The following NRG1 variants were observed in gnomAD, a reference collection of about 807,000 sequenced individuals.
NRG1 encodes the protein neuregulin 1, also known as pro-neuregulin-1, membrane-bound isoform.
A neutral mutation model predicts 63.8 loss-of-function variants in NRG1; 18 were observed. The observed-to-expected ratio is 0.28, with a 90% CI of 0.19 to 0.42. The LOEUF is 0.42. Ranked by LOEUF, NRG1 falls within the 10% of genes least tolerant of loss-of-function variation. The pLI is 1.00. For missense variants in NRG1, 762 were observed against 814.7 expected, an observed-to-expected ratio of 0.94 and a Z score of 0.79; for synonymous variants, 302 against 301.3, an observed-to-expected ratio of 1.00 and a Z score of -0.02.
chr8:31,923,764 G>C (rs1329472098), intron 1 of NRG1, among the ~76,000 whole-genome samples: 1 of 151,842 alleles, frequency 6.6e-6, no homozygotes, highest in African/African-American at 2.4e-5. Flanking sequence ...CTACACTGAT[G>C]TATTTTGCAT....
intron 1 of NRG1, among the ~76,000 whole-genome samples, chr8:32,487,834 A>T (rs10503917): frequency 0.14 from 20,730 of 152,156 alleles, 1,681 homozygotes; most frequent in Admixed American, 0.26. Flanking sequence ...GTCCCTTTCA[A>T]CCGGAGTCAG....
At chr8:31,966,221 A>C (rs926670602) in intron 1 of NRG1, among the ~76,000 whole-genome samples, 1 of 128,642 alleles carries the variant, frequency 7.8e-6, no homozygotes. Context: ...TTTGTAACTT[A>C]TGGTCAATCT....
intron 1 of NRG1, among the ~76,000 whole-genome samples, chr8:32,245,096 A>G (rs1249452213): frequency 6.6e-6 from 1 of 152,164 alleles, no homozygotes; most frequent in East Asian, 1.9e-4. Context: ...AGGGGCTCAG[A>G]CAGTGGTTTG....
intron 1 of NRG1, among the ~76,000 whole-genome samples, chr8:32,410,457 A>G (rs1814752182): frequency 1.3e-5 from 2 of 152,084 alleles, no homozygotes; most frequent in South Asian, 2.1e-4. Flanking sequence ...GTGAGTCACC[A>G]TGGCAGGCCA....
chr8:32,245,754 T>C (rs1007280911), intron 1 of NRG1, among the ~76,000 whole-genome samples: 1 of 152,174 alleles, frequency 6.6e-6, no homozygotes, highest in Non-Finnish European at 1.5e-5. Context: ...ATTCACTACA[T>C]AGGGTTTCTT....
intron 1 of NRG1, among the ~76,000 whole-genome samples, chr8:32,189,833 C>T (rs1842316200): frequency 6.6e-6 from 1 of 152,134 alleles, no homozygotes; most frequent in African/African-American, 2.4e-5. Flanking sequence ...TTCTACCAAT[C>T]ACTGGAGTTT....
intron 1 of NRG1, among the ~76,000 whole-genome samples, chr8:31,644,427 A>G (rs1804099159): frequency 6.6e-6 from 1 of 152,204 alleles, no homozygotes; most frequent in Non-Finnish European, 1.5e-5. Flanking sequence ...GTGGATTTAA[A>G]TATCTGAGTT....
At chr8:32,324,842 C>T (rs1304150341) in intron 1 of NRG1, among the ~76,000 whole-genome samples, 3 of 152,140 alleles carry the variant, frequency 2.0e-5, no homozygotes, top group African/African-American at 7.2e-5. Context: ...TGTGCAGGCC[C>T]TGGATTCAGA....
chr8:32,151,890 TG>T (rs1245423870), intron 1 of NRG1, among the ~76,000 whole-genome samples: 1 of 152,140 alleles, frequency 6.6e-6, no homozygotes, highest in African/African-American at 2.4e-5. Flanking sequence ...TCAAGCCCTT[TG>T]CAATATTTAC....
chr8:31,827,709 C>A (rs1020584155), intron 1 of NRG1, among the ~76,000 whole-genome samples: 2 of 152,166 alleles, frequency 1.3e-5, no homozygotes, highest in African/African-American at 4.8e-5. Context: ...TCAACTTTTT[C>A]TTTTACCTCT....
chr8:32,359,464 A>C (rs758590244), intron 1 of NRG1, among the ~76,000 whole-genome samples: 5 of 152,190 alleles, frequency 3.3e-5, no homozygotes, highest in Non-Finnish European at 7.3e-5. Flanking sequence ...GAAGTCCTTG[A>C]GTTCCAAAGA....
chr8:31,696,462 A>T (rs915813826), intron 1 of NRG1, among the ~76,000 whole-genome samples: 1 of 152,212 alleles, frequency 6.6e-6, no homozygotes, highest in Non-Finnish European at 1.5e-5. Context: ...TAGGAGGGAA[A>T]AAAACTTTAC....
intron 1 of NRG1, among the ~76,000 whole-genome samples, chr8:32,280,038 T>C (rs1458012583): frequency 6.6e-6 from 1 of 152,240 alleles, no homozygotes; most frequent in East Asian, 1.9e-4. Flanking sequence ...TCATCAGTCA[T>C]TACTTTCCAT....
At chr8:31,956,659 C>T (rs952103107) in intron 1 of NRG1, among the ~76,000 whole-genome samples, 2 of 152,106 alleles carry the variant, frequency 1.3e-5, no homozygotes, top group African/African-American at 4.8e-5. Flanking sequence ...AAGCGCTCTA[C>T]TTGATTACTT....
chr8:31,812,624 CT>C, intron 1 of NRG1, among the ~76,000 whole-genome samples: 1 of 151,494 alleles, frequency 6.6e-6, no homozygotes, highest in African/African-American at 2.4e-5. Context: ...TGCCCATCCC[CT>C]TTCCTCCCTT....
At chr8:32,246,728 C>G (rs552740840) in intron 1 of NRG1, among the ~76,000 whole-genome samples, 1 of 152,046 alleles carries the variant, frequency 6.6e-6, no homozygotes, top group South Asian at 2.1e-4. Flanking sequence ...CACAGAAAAA[C>G]AAAGATAGTA....
intron 1 of NRG1, among the ~76,000 whole-genome samples, chr8:32,557,334 T>G (rs1053682906): frequency 1.3e-5 from 2 of 152,200 alleles, no homozygotes; most frequent in African/African-American, 4.8e-5. Flanking sequence ...TGTGTACGTA[T>G]CAAATCTGTT....
rs113973213 is a variant in NRG1 at position 32,616,994 on chromosome 8, G to T, written c.502+109G>T. 33 of 819,000 alleles carry T rather than the reference G, an allele frequency of 4.0e-5. 1 individual carries two copies. The East Asian group carries it at 7.7e-4, about 19-fold the overall frequency. The allele number at this position is 819,000 out of a possible 1,614,324, so 50.7% of individuals were successfully genotyped here. ...TGCCCCTATTAAGGGTCAGAGTATT[G>T]AGTTTGGCAATAGGTGGTATTTGCT... is the stretch of plus-strand genomic sequence containing the variant. On this transcript the variant is annotated intron_variant, in intron 5 of 11. Coordinates refer to ENST00000356819, the Ensembl canonical transcript of NRG1.
intron 1 of NRG1, among the ~76,000 whole-genome samples, chr8:31,915,895 GA>G: frequency 6.6e-6 from 1 of 152,120 alleles, no homozygotes; most frequent in South Asian, 2.1e-4. Flanking sequence ...TATTTTTTAA[GA>G]AACATGTTAA....
Sources: allele counts gnomAD v4.1 joint callset (sites outside exome capture counted in the v4.1 genomes callset), GRCh38; gene constraint gnomAD v4.1.1; transcripts MANE v1.5; gene names NCBI Gene and HGNC (gene_info 2026-07-23, HGNC 2026-07-21).